FOCAD: variants seen among roughly 807,000 people sequenced by gnomAD.
The protein encoded by FOCAD is focadhesin, also known as KIAA1797.
Under a neutral mutation model 225.6 loss-of-function variants are expected in FOCAD, and 198 were observed. That is an observed-to-expected ratio of 0.88 (90% CI 0.78 to 0.99). The LOEUF is 0.99. Among genes scored for constraint, FOCAD ranks in the 50% least tolerant of loss-of-function variants. The pLI, the probability that FOCAD is intolerant of heterozygous loss-of-function variation, is 0.00. For missense variants in FOCAD, 2,713 were observed against 2,123.6 expected, an observed-to-expected ratio of 1.28 and a Z score of -5.46; for synonymous variants, 897 against 755.0, an observed-to-expected ratio of 1.19 and a Z score of -3.08.
chr9:20,864,014 G>GA (rs1017847981), intron 16 of FOCAD, among the ~76,000 whole-genome samples: 27 of 151,938 alleles, frequency 1.8e-4, no homozygotes, highest in African/African-American at 6.5e-4. Flanking sequence ...CTGTTGTTCA[G>GA]ACGGACTGCT....
chr9:20,755,569 C>T (rs1828975627), intron 5 of FOCAD, among the ~76,000 whole-genome samples: 1 of 152,020 alleles, frequency 6.6e-6, no homozygotes, highest in South Asian at 2.1e-4. Context: ...AGGGAGATGA[C>T]TTATAAAGGA....
chr9:20,695,573 A>G (rs975910730), intron 1 of FOCAD, among the ~76,000 whole-genome samples: 3 of 152,212 alleles, frequency 2.0e-5, no homozygotes, highest in African/African-American at 7.2e-5. Flanking sequence ...TACATGTTGA[A>G]CATTTGACAT....
chr9:20,888,403 C>G (rs1258790706), intron 21 of FOCAD, among the ~76,000 whole-genome samples: 2 of 152,018 alleles, frequency 1.3e-5, no homozygotes, highest in Non-Finnish European at 2.9e-5. Context: ...TCCCAAAGTG[C>G]TGGAATTACA....
intron 1 of FOCAD, among the ~76,000 whole-genome samples, chr9:20,704,623 T>A (rs905372581): frequency 6.6e-6 from 1 of 152,200 alleles, no homozygotes; most frequent in Non-Finnish European, 1.5e-5. Context: ...TTAATCTATC[T>A]GGCTGAATTA....
At chr9:20,992,632 G>C (rs1841768228) in intron 42 of FOCAD, among the ~76,000 whole-genome samples, 1 of 152,090 alleles carries the variant, frequency 6.6e-6, no homozygotes, top group Non-Finnish European at 1.5e-5. Flanking sequence ...GCACACAGGA[G>C]GCCCTCTGGG....
At chr9:20,962,407 T>TACATAC (rs1397489946) in intron 35 of FOCAD, among the ~76,000 whole-genome samples, 19 of 111,786 alleles carry the variant, frequency 1.7e-4, no homozygotes, top group South Asian at 3.1e-4. Context: ...ATAATATATA[T>TACATAC]ATACACACAC....
chr9:20,868,028 A>G (rs1829438002), intron 18 of FOCAD, among the ~76,000 whole-genome samples: 1 of 152,142 alleles, frequency 6.6e-6, no homozygotes, highest in African/African-American at 2.4e-5. Flanking sequence ...TTGAGGACTT[A>G]CAAAGATAGA....
intron 5 of FOCAD, among the ~76,000 whole-genome samples, chr9:20,757,803 C>T (rs763048145): frequency 6.6e-5 from 10 of 152,066 alleles, no homozygotes; most frequent in Non-Finnish European, 1.3e-4. Context: ...GGAGCTTGGC[C>T]AAAGTCACAG....
chr9:20,929,224 A>T lies in FOCAD; in HGVS notation c.3079-134A>T, dbSNP rs1427803320. The stretch of plus-strand genomic sequence containing the variant: ...TATAGACAAAAACGTTTGGATTTTT[A>T]AAAAATGTATTATTTTGGGTGTCGG... On this transcript the variant is annotated intron_variant, in intron 26 of 43. Transcript: ENST00000338382. The T allele has an allele frequency of 4.5e-6, 3 of 659,414 alleles. No individual in the cohort carries two copies. In the African/African-American group the frequency reaches 5.4e-5, roughly 12 times the overall value. The allele number at this position is 659,414 out of a possible 1,614,324, so 40.8% of individuals were successfully genotyped here.
intron 22 of FOCAD, among the ~76,000 whole-genome samples, chr9:20,911,975 A>T (rs1283816938): frequency 6.6e-6 from 1 of 152,130 alleles, no homozygotes; most frequent in Non-Finnish European, 1.5e-5. Flanking sequence ...TAACATTAAA[A>T]CCATAGTGAA....
chr9:20,749,498 T>A (rs889236948), intron 5 of FOCAD, among the ~76,000 whole-genome samples: 4 of 152,206 alleles, frequency 2.6e-5, no homozygotes, highest in Non-Finnish European at 5.9e-5. Context: ...TTTTTCGTTA[T>A]GCATCTTCTA....
intron 15 of FOCAD, among the ~76,000 whole-genome samples, chr9:20,845,585 G>T (rs1827021025): frequency 6.6e-6 from 1 of 151,536 alleles, no homozygotes; most frequent in East Asian, 1.9e-4. Context: ...ACAGTGATCA[G>T]CTTTAGAGCT....
chr9:20,902,641 G>C (rs982670288), intron 21 of FOCAD, among the ~76,000 whole-genome samples: 1 of 151,902 alleles, frequency 6.6e-6, no homozygotes, highest in Non-Finnish European at 1.5e-5. Context: ...GCTGTTAAGA[G>C]ATCAGTTACT....
At chr9:20,800,809 C>T (rs12337700) in intron 11 of FOCAD, among the ~76,000 whole-genome samples, 1,714 of 152,152 alleles carry the variant, frequency 0.011, 31 homozygotes, top group African/African-American at 0.039. Context: ...TCCTTTAGCT[C>T]GGAGAAGTTT....
chr9:20,935,747 C>T (rs561316845), intron 28 of FOCAD, among the ~76,000 whole-genome samples: 31 of 152,236 alleles, frequency 2.0e-4, no homozygotes, highest in Non-Finnish European at 3.5e-4. Context: ...TTTGATTGGG[C>T]TAAGAGGGCC....
At chr9:20,922,719 G>A (rs1564156233) in intron 24 of FOCAD, among the ~76,000 whole-genome samples, 1 of 152,128 alleles carries the variant, frequency 6.6e-6, no homozygotes, top group Non-Finnish European at 1.5e-5. Context: ...CCAAATTTTG[G>A]GGAACATTGT....
intron 27 of FOCAD, among the ~76,000 whole-genome samples, chr9:20,931,392 T>C (rs1835456591): frequency 6.6e-6 from 1 of 152,192 alleles, no homozygotes. Flanking sequence ...ATTACTAACA[T>C]AACTATTCAT....
chr9:20,929,632 T>C (rs371800241), intron 27 of FOCAD, 36 bp downstream of exon 27: 1 of 1,587,536 alleles, frequency 6.3e-7, no homozygotes, highest in Non-Finnish European at 8.6e-7. Flanking sequence ...TTTTCTTCTT[T>C]GTGATTTTTT....
intron 10 of FOCAD, 134 bp downstream of exon 10, chr9:20,782,063 G>T: frequency 1.4e-6 from 1 of 714,756 alleles, no homozygotes; most frequent in Non-Finnish European, 2.4e-6. Flanking sequence ...TGCTGTTGGA[G>T]ATCTCAACAT....
Sources: gnomAD v4.1 joint callset for allele counts (sites outside exome capture counted in the v4.1 genomes callset) on GRCh38, gnomAD v4.1.1 for gene constraint, MANE v1.5 for transcripts, NCBI Gene and HGNC (gene_info 2026-07-23, HGNC 2026-07-21) for gene names.